The following PSMD1 variants were observed in gnomAD, a reference collection of about 807,000 sequenced individuals.
PSMD1 encodes proteasome 26S subunit, non-ATPase 1.
PSMD1 carries 18 observed loss-of-function variants against 119.0 expected under a neutral mutation model. That is an observed-to-expected ratio of 0.15 (90% CI 0.10 to 0.22). PSMD1 has a LOEUF of 0.22. PSMD1 is among the 10% of genes least tolerant of loss of function. PSMD1 has a pLI of 1.00. For missense variants in PSMD1, 702 were observed against 1,158.5 expected (o/e 0.61, Z 5.72); for synonymous variants, 374 against 396.6 (o/e 0.94, Z 0.68).
intron 16 of PSMD1, among the ~76,000 whole-genome samples, chr2:231,098,276 T>C (rs1054326903): frequency 1.3e-5 from 2 of 152,244 alleles, no homozygotes; most frequent in African/African-American, 2.4e-5. Flanking sequence ...TGGAGTGTTA[T>C]AGGGTCACGG....
At chr2:231,097,991 C>G (rs1694766149) in intron 16 of PSMD1, among the ~76,000 whole-genome samples, 1 of 152,194 alleles carries the variant, frequency 6.6e-6, no homozygotes, top group South Asian at 2.1e-4. Context: ...TGCATCCCTT[C>G]AGGTCTCCAA....
At chr2:231,075,210 TG>T (rs1156955809) in intron 7 of PSMD1, among the ~76,000 whole-genome samples, 1 of 152,182 alleles carries the variant, frequency 6.6e-6, no homozygotes, top group Non-Finnish European at 1.5e-5. Context: ...TTGTAGCTGG[TG>T]GTGATTTTGC....
At chr2:231,099,698 C>T (rs1320891446) in intron 16 of PSMD1, among the ~76,000 whole-genome samples, 1 of 152,080 alleles carries the variant, frequency 6.6e-6, no homozygotes, top group African/African-American at 2.4e-5. Flanking sequence ...AATGTCTTGC[C>T]TTTTGGGGTG....
chr2:231,170,804 T>C lies in PSMD1; in HGVS notation c.*9+83T>C. 1 of 1,380,368 alleles carries C rather than the reference T, an allele frequency of 7.2e-7. No individual in the cohort carries two copies. 85.5% of individuals were successfully genotyped at this position (1,380,368 alleles called of 1,614,324 possible). On this transcript the variant is annotated intron_variant, in intron 24 of 24. Coordinates refer to ENST00000308696, the MANE Select transcript of PSMD1 (RefSeq NM_002807.4). The surrounding 1 kb of genome is among the most constrained non-coding windows in gnomAD (Gnocchi z 4.1). ...TTTTGCAAGGACATCATCTCACGTTTTTCCTTCCTTTTGTGTTTAATCCTT... is the reference window on the plus strand; with the variant it reads ...TTTTGCAAGGACATCATCTCACGTTCTTCCTTCCTTTTGTGTTTAATCCTT...
intron 16 of PSMD1, among the ~76,000 whole-genome samples, chr2:231,102,532 AC>A (rs1371076760): frequency 3.9e-5 from 6 of 152,214 alleles, no homozygotes; most frequent in Non-Finnish European, 8.8e-5. Context: ...CTATATTCTT[AC>A]AGTAAGGTAA....
chr2:231,122,756 G>A (rs996728484), intron 16 of PSMD1, among the ~76,000 whole-genome samples: 1 of 151,948 alleles, frequency 6.6e-6, no homozygotes, highest in Non-Finnish European at 1.5e-5. Context: ...TACCAACTTA[G>A]AGGCCTATCA....
intron 19 of PSMD1, 57 bp downstream of exon 19, chr2:231,153,723 CTA>C: frequency 3.4e-6 from 4 of 1,184,302 alleles, no homozygotes; most frequent in Middle Eastern, 2.0e-4. Context: ...AATAAAATAA[CTA>C]TCTGCTCTAA....
At chr2:231,146,456 C>A in intron 18 of PSMD1, 100 bp downstream of exon 18, 1 of 817,646 alleles carries the variant, frequency 1.2e-6, no homozygotes, top group Non-Finnish European at 2.0e-6. Flanking sequence ...ATATGGTAAA[C>A]ACTGAAAGTA....
chr2:231,067,100 A>G lies in PSMD1; in HGVS notation c.499A>G (p.Ile167Val), dbSNP rs887455747. ...TRRLDVFEKT[I>V]LESNDVPGML... ...AAGACTGGACGTCTTTGAAAAGACC[A>G]TACTGGAGTCGGTAGGTAGATGATG... The change falls in exon 5 of 25, where the codon ATA becomes GTA. Residue 167 changes from isoleucine to valine, a missense_variant. Coordinates refer to ENST00000308696, the MANE Select transcript of PSMD1 (RefSeq NM_002807.4). The G allele has an allele frequency of 6.3e-7, 1 of 1,594,582 alleles. No individual in the cohort carries two copies. Among genetic ancestry groups the G allele is most frequent in the Non-Finnish European group, 8.5e-7 (1 of 1,174,074 alleles).
At chr2:231,135,865 A>G (rs893387749) in intron 16 of PSMD1, among the ~76,000 whole-genome samples, 5 of 152,184 alleles carry the variant, frequency 3.3e-5, no homozygotes, top group Non-Finnish European at 7.4e-5. Context: ...CAAACTGAGA[A>G]CATTCTCAAG....
chr2:231,078,784 T>TA, intron 10 of PSMD1, 37 bp downstream of exon 10: 1 of 944,936 alleles, frequency 1.1e-6, no homozygotes, highest in Non-Finnish European at 1.5e-6. Context: ...TGGTTCAAAA[T>TA]CTTTTTCTTT....
intron 16 of PSMD1, among the ~76,000 whole-genome samples, chr2:231,088,833 A>G (rs1404502926): frequency 1.3e-5 from 2 of 152,234 alleles, no homozygotes; most frequent in Admixed American, 1.3e-4. Flanking sequence ...GATAAAGCTT[A>G]GTGAGGAAGA....
chr2:231,088,206 T>C (rs1054654366), intron 16 of PSMD1, among the ~76,000 whole-genome samples: 2 of 152,216 alleles, frequency 1.3e-5, no homozygotes, highest in African/African-American at 4.8e-5. Context: ...TGTGTATTAA[T>C]AATGGTAATT....
At chr2:231,137,030 C>A (rs967859277) in intron 16 of PSMD1, among the ~76,000 whole-genome samples, 1 of 136,848 alleles carries the variant, frequency 7.3e-6, no homozygotes, top group Non-Finnish European at 1.6e-5. Context: ...TATTTATGTA[C>A]CATATATAAT....
chr2:231,057,134 C>A lies in PSMD1; in HGVS notation c.16+93C>A, dbSNP rs1391428282. On this transcript the variant is annotated intron_variant, in intron 1 of 24. Transcript: ENST00000308696. ...GGGCCGGTGACTGGGCGCCTCCCGG[C>A]GGAACGCCGGCCTGGGCAGCTTCTT... is the stretch of plus-strand genomic sequence containing the variant. 4.3e-6 allele frequency: 6 copies of A among 1,394,136 alleles called. No individual in the cohort carries two copies. In the East Asian group the frequency reaches 1.5e-4, roughly 34 times the overall value. The allele number at this position is 1,394,136 out of a possible 1,614,324, so 86.4% of individuals were successfully genotyped here. A position where few individuals can be genotyped will look rare whatever the true frequency, so the allele number is the denominator to read the frequency against.
intron 1 of PSMD1, among the ~76,000 whole-genome samples, chr2:231,059,151 A>G (rs1174447578): frequency 6.6e-6 from 1 of 152,226 alleles, no homozygotes; most frequent in Non-Finnish European, 1.5e-5. Context: ...ATAGACTTTA[A>G]GCCTCTTTAA....
chr2:231,065,594 C>T (rs535383623), intron 4 of PSMD1, among the ~76,000 whole-genome samples: 51 of 152,252 alleles, frequency 3.3e-4, no homozygotes, highest in Non-Finnish European at 5.7e-4. Flanking sequence ...CCACCGCGCC[C>T]GGCCAGGGTG....
chr2:231,076,884 A>G (rs749239445), intron 8 of PSMD1, 150 bp from the exon 9 acceptor site: 2 of 546,144 alleles, frequency 3.7e-6, no homozygotes, highest in Non-Finnish European at 6.0e-6. Flanking sequence ...ATCATATCTC[A>G]GTAGCATCTA....
intron 1 of PSMD1, 37 bp downstream of exon 1, chr2:231,057,078 G>A: frequency 6.7e-7 from 1 of 1,487,454 alleles, no homozygotes; most frequent in Non-Finnish European, 8.9e-7. Context: ...GGAGGGAGGA[G>A]CCGCCGCCGC....
Sources: allele counts gnomAD v4.1 joint callset (sites outside exome capture counted in the v4.1 genomes callset), GRCh38; gene constraint gnomAD v4.1.1; non-coding constraint Gnocchi (gnomAD v3.1); transcripts MANE v1.5; gene names NCBI Gene and HGNC (gene_info 2026-07-23, HGNC 2026-07-21).